ELMO1: variants seen among roughly 807,000 people sequenced by gnomAD.
The protein encoded by ELMO1 is engulfment and cell motility protein 1.
ELMO1 carries 26 observed loss-of-function variants against 98.9 expected under a neutral mutation model. That is an observed-to-expected ratio of 0.26 (90% CI 0.19 to 0.36). ELMO1 has a LOEUF of 0.36. Ranked by LOEUF, ELMO1 falls within the 10% of genes least tolerant of loss-of-function variation. ELMO1 has a pLI of 1.00. For missense variants in ELMO1, 627 were observed against 935.2 expected, an observed-to-expected ratio of 0.67 and a Z score of 4.30; for synonymous variants, 346 against 346.0, an observed-to-expected ratio of 1.00 and a Z score of 0.00.
At chr7:37,406,652 C>A (rs1431751290) in intron 1 of ELMO1, among the ~76,000 whole-genome samples, 1 of 151,864 alleles carries the variant, frequency 6.6e-6, no homozygotes, top group Non-Finnish European at 1.5e-5. Context: ...CCGTGTTAGG[C>A]AGGATGGTCT....
chr7:36,966,774 T>C (rs997354528), intron 16 of ELMO1, among the ~76,000 whole-genome samples: 1 of 152,208 alleles, frequency 6.6e-6, no homozygotes, highest in African/African-American at 2.4e-5. Context: ...ATAAGACAAA[T>C]TGTTCTTCAG....
rs1425792990 is a variant in ELMO1, at chr7:36,854,974, T to C, written c.*577A>G. The C allele has an allele frequency of 6.2e-6, 1 of 160,868 alleles. No homozygotes were observed. Among genetic ancestry groups the C allele is most frequent in the Non-Finnish European group, 1.4e-5 (1 of 72,744 alleles). 10.0% of individuals were successfully genotyped at this position (160,868 alleles called of 1,614,324 possible). The stretch of plus-strand genomic sequence containing the variant: ...CACGAGGAGGCTGCGGCTGCTGCTC[T>C]TGGGACCAAAGAGGAACAGAGCAAG... On this transcript the variant is annotated 3_prime_UTR_variant, in exon 22 of 22. Transcript: ENST00000310758.
chr7:37,180,795 T>C (rs1302745565), intron 13 of ELMO1, among the ~76,000 whole-genome samples: 2 of 133,138 alleles, frequency 1.5e-5, no homozygotes, highest in Non-Finnish European at 3.1e-5. Flanking sequence ...CATATGCACA[T>C]ATGCACACAC....
intron 13 of ELMO1, among the ~76,000 whole-genome samples, chr7:37,202,328 C>G (rs149643129): frequency 6.6e-6 from 1 of 152,114 alleles, no homozygotes; most frequent in Non-Finnish European, 1.5e-5. Context: ...AAGAGAATAC[C>G]ACAAAAATTA....
intron 1 of ELMO1, among the ~76,000 whole-genome samples, chr7:37,440,457 A>C (rs2392498): frequency 0.43 from 63,088 of 148,104 alleles, 14,389 homozygotes; most frequent in Non-Finnish European, 0.51. Flanking sequence ...AAAAAAAAAG[A>C]AAAGAAAAGA....
chr7:37,359,395 A>G (rs1382121744), intron 1 of ELMO1, among the ~76,000 whole-genome samples: 1 of 152,172 alleles, frequency 6.6e-6, no homozygotes, highest in Admixed American at 6.5e-5. Flanking sequence ...CAGTTTACTC[A>G]TCTGTAAAAT....
chr7:36,914,510 T>C (rs916022556), intron 16 of ELMO1, among the ~76,000 whole-genome samples: 1 of 149,300 alleles, frequency 6.7e-6, no homozygotes, highest in African/African-American at 2.5e-5. Flanking sequence ...GAAATGAATG[T>C]ACATTCTTTT....
chr7:36,986,410 A>G (rs1791511090), intron 16 of ELMO1: 2 of 234,822 alleles, frequency 8.5e-6, no homozygotes, highest in Non-Finnish European at 1.4e-5. Flanking sequence ...GTACTTCTCA[A>G]TATATCCCCC....
chr7:36,879,873 T>A (rs962935269), intron 18 of ELMO1, among the ~76,000 whole-genome samples: 1 of 152,266 alleles, frequency 6.6e-6, no homozygotes, highest in Non-Finnish European at 1.5e-5. Flanking sequence ...AGTTATTCTC[T>A]GAGTAATTCA....
At position 37,151,346 on chromosome 7, in the gene ELMO1, G is replaced by A. The variant is rs139249630; in HGVS notation, c.1087-18112C>T. On this transcript the variant is annotated intron_variant, in intron 13 of 21. Coordinates refer to ENST00000310758, the MANE Select transcript of ELMO1 (RefSeq NM_014800.11). Reference sequence around the variant, plus strand: ...CCGTTCACACTACACTTCACAGTTCGTCAGGGGGACTGTATGAGGACGGCT... The same window carrying A: ...CCGTTCACACTACACTTCACAGTTCATCAGGGGGACTGTATGAGGACGGCT... Among the ~76,000 whole-genome samples the A allele has an allele frequency of 1.1e-3, 172 of 152,164 alleles. 1 individual carries two copies. Among genetic ancestry groups the A allele is most frequent in the African/African-American group, 3.4e-3 (142 of 41,512 alleles).
chr7:37,034,455 G>A (rs902557010), intron 15 of ELMO1, among the ~76,000 whole-genome samples: 1 of 152,038 alleles, frequency 6.6e-6, no homozygotes, highest in African/African-American at 2.4e-5. Flanking sequence ...GTTGACCTAT[G>A]AACAACATGG....
At chr7:37,284,240 C>T (rs903803502) in intron 4 of ELMO1, among the ~76,000 whole-genome samples, 8 of 152,152 alleles carry the variant, frequency 5.3e-5, no homozygotes, top group African/African-American at 1.2e-4. Context: ...ATGGAGGCAA[C>T]GGACCCAGGG....
chr7:37,170,350 A>T, intron 13 of ELMO1, among the ~76,000 whole-genome samples: 1 of 152,240 alleles, frequency 6.6e-6, no homozygotes. Context: ...CATTGAATTG[A>T]ATTAGCAGAA....
intron 1 of ELMO1, among the ~76,000 whole-genome samples, chr7:37,436,371 G>T (rs994674138): frequency 1.3e-5 from 2 of 152,194 alleles, no homozygotes; most frequent in Non-Finnish European, 2.9e-5. Flanking sequence ...TCACACTGAA[G>T]ACTGTATATT....
intron 13 of ELMO1, among the ~76,000 whole-genome samples, chr7:37,163,029 T>C (rs559074117): frequency 2.0e-5 from 3 of 152,320 alleles, no homozygotes; most frequent in Non-Finnish European, 4.4e-5. Flanking sequence ...CTCTACTTGG[T>C]TGCCTTATTT....
At chr7:36,970,217 ACACG>A (rs903902428) in intron 16 of ELMO1, among the ~76,000 whole-genome samples, 2 of 146,476 alleles carry the variant, frequency 1.4e-5, no homozygotes, top group Non-Finnish European at 3.1e-5. Context: ...ACACACACAC[ACACG>A]CACACCAAGG....
Position 36,885,300 on chromosome 7 carries a change from T to TA in ELMO1, c.1714+2259dup, listed in dbSNP as rs778956164. Among the ~76,000 whole-genome samples the TA allele has an allele frequency of 2.7e-5, 4 of 147,656 alleles. No individual in the cohort carries two copies. The East Asian group carries it at 8.0e-4, about 30-fold the overall frequency. ...TTAGAAAATTGGAAAAATTTATAGATACGGGACTAACATTTTTTAAACAAC... is the reference window on the plus strand; with the variant it reads ...TTAGAAAATTGGAAAAATTTATAGATAACGGGACTAACATTTTTTAAACAAC... On this transcript the variant is annotated intron_variant, in intron 18 of 21. Transcript: ENST00000310758.
intron 16 of ELMO1, among the ~76,000 whole-genome samples, chr7:36,909,135 G>C (rs760507802): frequency 4.7e-4 from 72 of 152,212 alleles, no homozygotes; most frequent in Non-Finnish European, 1.0e-4. Context: ...TTGAATGAAA[G>C]ATGTTTTTAA....
intron 4 of ELMO1, among the ~76,000 whole-genome samples, chr7:37,288,647 T>A (rs10231560): frequency 0.35 from 53,407 of 152,114 alleles, 10,528 homozygotes; most frequent in Middle Eastern, 0.54. Context: ...CACAACCACA[T>A]TGCGAAGATG....
Sources: allele counts gnomAD v4.1 joint callset (sites outside exome capture counted in the v4.1 genomes callset), GRCh38; gene constraint gnomAD v4.1.1; transcripts MANE v1.5; gene names NCBI Gene and HGNC (gene_info 2026-07-23, HGNC 2026-07-21).